Variants in MYOCD observed in about 807,000 individuals in gnomAD.
MYOCD encodes myocardin.
In MYOCD, 32 loss-of-function variants were observed where a neutral mutation model predicts 96.1. That is an observed-to-expected ratio of 0.33 (90% confidence interval 0.25 to 0.45). MYOCD has a LOEUF of 0.45. MYOCD is among the 20% of genes least tolerant of loss of function. The pLI, the probability that MYOCD is intolerant of heterozygous loss-of-function variation, is 1.00. For missense variants in MYOCD, 1,133 were observed against 1,200.6 expected (o/e 0.94, Z 0.83); for synonymous variants, 469 against 469.0 (o/e 1.00, Z 0.00).
chr17:12,752,404 A>T lies in MYOCD; in HGVS notation c.1126-10A>T, dbSNP rs752691808. 1.3e-6 allele frequency: 2 copies of T among 1,590,856 alleles called. No individual in the cohort carries two copies. The highest frequency in any genetic ancestry group is 1.7e-6 in the Non-Finnish European group (2 of 1,168,588). ...TAAACAGCACACTAACCACATTCTGATTTCTTTAGGTCTCTGAATTAAGAC... is the reference window on the plus strand; with the variant it reads ...TAAACAGCACACTAACCACATTCTGTTTTCTTTAGGTCTCTGAATTAAGAC... On this transcript the variant is annotated splice_polypyrimidine_tract_variant and intron_variant, in intron 9 of 13. Transcript: ENST00000425538.
At chr17:12,678,957 G>T (rs1910277287) in intron 1 of MYOCD, among the ~76,000 whole-genome samples, 1 of 152,042 alleles carries the variant, frequency 6.6e-6, no homozygotes, top group Admixed American at 6.6e-5. Flanking sequence ...CCAATTCTGT[G>T]AGATTACAAG....
At chr17:12,703,719 A>G (rs1299050967) in intron 1 of MYOCD, among the ~76,000 whole-genome samples, 2 of 151,984 alleles carry the variant, frequency 1.3e-5, no homozygotes, top group Non-Finnish European at 2.9e-5. Context: ...AGACTTTTAG[A>G]TATTGTCACA....
rs2032900211 is a variant in MYOCD, at chr17:12,752,951, A to G, written c.1663A>G (p.Asn555Asp). ...GATGCAGCTTCAGAAGCAGAAAAGG[A>G]ATAACTGTTCAGAGAAGAAGCCGCT... ...LRMQLQKQKR[N>D]NCSEKKPLPF... is the part of the protein sequence containing the mutation. The change falls in exon 10 of 14, where the codon AAT becomes GAT. Residue 555 changes from asparagine (N) to aspartate (D), a missense_variant. Transcript: ENST00000425538. 6.2e-7 allele frequency: 1 copy of G among 1,614,096 alleles called. No homozygotes were observed.
At chr17:12,705,988 G>A (rs892822985) in intron 2 of MYOCD, 1 of 152,218 alleles carries the variant, frequency 6.6e-6, no homozygotes, top group Non-Finnish European at 1.5e-5. Flanking sequence ...AGTGTAGTTA[G>A]TTGTATTGAA....
chr17:12,754,348 C>T (rs1390726820), intron 10 of MYOCD, among the ~76,000 whole-genome samples: 1 of 152,192 alleles, frequency 6.6e-6, no homozygotes, highest in Non-Finnish European at 1.5e-5. Context: ...GTGATCCGCC[C>T]GCCTTGGCCT....
intron 5 of MYOCD, among the ~76,000 whole-genome samples, chr17:12,732,466 C>T (rs1256607459): frequency 6.6e-6 from 1 of 152,222 alleles, no homozygotes; most frequent in African/African-American, 2.4e-5. Context: ...CTTCGCATCG[C>T]TGTCTCCTCT....
chr17:12,695,827 A>C (rs2150662456), intron 1 of MYOCD, among the ~76,000 whole-genome samples: 1 of 152,240 alleles, frequency 6.6e-6, no homozygotes, highest in African/African-American at 2.4e-5. Context: ...CTCTGTTTGC[A>C]TTAAACTATA....
At chr17:12,709,531 C>T (rs566809629) in intron 2 of MYOCD, among the ~76,000 whole-genome samples, 1 of 152,280 alleles carries the variant, frequency 6.6e-6, no homozygotes, top group African/African-American at 2.4e-5. Flanking sequence ...TTGTGAAATT[C>T]ACATTTTCAA....
At position 12,738,300 on chromosome 17, in the gene MYOCD, A is replaced by G. The variant is rs1428873029; in HGVS notation, c.592-903A>G. Among the ~76,000 whole-genome samples, 3 of 151,868 alleles carry G rather than the reference A, an allele frequency of 2.0e-5. No homozygotes were observed. In the East Asian group the frequency reaches 5.8e-4, roughly 29 times the overall value. On this transcript the variant is annotated intron_variant, in intron 6 of 13. Transcript: ENST00000425538. ...GGAAGAACTGCAAAGCTCATTCCTC[A>G]CCCCCCATGGAGAGATCATGGGCAG...
chr17:12,733,477 CA>C (rs1309016262), intron 5 of MYOCD, among the ~76,000 whole-genome samples: 30 of 152,312 alleles, frequency 2.0e-4, no homozygotes, highest in African/African-American at 6.5e-4. Flanking sequence ...CCCCCTCTAC[CA>C]GGTGAGTCTG....
At position 12,698,482 on chromosome 17, in the gene MYOCD, G is replaced by A. The variant is rs192810839; in HGVS notation, c.56-6646G>A. On this transcript the variant is annotated intron_variant, in intron 1 of 13. Coordinates refer to ENST00000425538, the MANE Select transcript of MYOCD (RefSeq NM_001146312.3). ...TTTATCTCCCCAGCTAGCATGTTAC[G>A]GTCATGAGAATAGTAACTCTCCTAT... Among the ~76,000 whole-genome samples, 172 of 152,160 alleles carry A rather than the reference G, an allele frequency of 1.1e-3. 1 individual carries two copies. Among genetic ancestry groups the A allele is most frequent in the Middle Eastern group, 3.4e-3 (1 of 294 alleles).
rs765015224 is a variant in MYOCD, at chr17:12,763,514, C to G, written c.2831C>G (p.Thr944Ser). 7 of 1,614,214 alleles carry G rather than the reference C, an allele frequency of 4.3e-6. No individual in the cohort carries two copies. Among genetic ancestry groups the G allele is most frequent in the Middle Eastern group, 1.6e-4 (1 of 6,062 alleles). The change falls in exon 14 of 14, where the codon ACT becomes AGT. Residue 944 changes from threonine to serine, a missense_variant. Physicochemically the swap from Thr to Ser is moderately conservative, Grantham distance 58. Transcript: ENST00000425538. ...GAAACCATGGAGTGGCTGGACCTCA[C>G]TCCGCCAAATTCCACACCAGGCTTT... ...PWETMEWLDLTPPNSTPGFSA... is the reference protein window; with the variant it reads ...PWETMEWLDLSPPNSTPGFSA...
intron 5 of MYOCD, 78 bp downstream of exon 5, chr17:12,723,086 T>C (rs2031894976): frequency 7.1e-7 from 1 of 1,407,116 alleles, no homozygotes; most frequent in Non-Finnish European, 9.7e-7. Flanking sequence ...CATACTAGGA[T>C]CTTTGGGGAT....
At chr17:12,732,492 GCACT>G (rs909896965) in intron 5 of MYOCD, among the ~76,000 whole-genome samples, 25 of 152,128 alleles carry the variant, frequency 1.6e-4, no homozygotes, top group African/African-American at 5.6e-4. Flanking sequence ...ACCACCACCA[GCACT>G]CACCAGGCAG....
intron 1 of MYOCD, among the ~76,000 whole-genome samples, chr17:12,692,430 GT>G (rs1186993131): frequency 1.4e-4 from 22 of 152,272 alleles, no homozygotes; most frequent in African/African-American, 5.1e-4. Flanking sequence ...TCCTGAAGTT[GT>G]TAACTATTAT....
At chr17:12,731,658 G>A (rs1761147958) in intron 5 of MYOCD, among the ~76,000 whole-genome samples, 1 of 152,140 alleles carries the variant, frequency 6.6e-6, no homozygotes, top group Non-Finnish European at 1.5e-5. Context: ...TTTTATAGAT[G>A]GGGAAACTGA....
intron 4 of MYOCD, among the ~76,000 whole-genome samples, chr17:12,719,502 G>C (rs1325396841): frequency 1.3e-5 from 2 of 151,892 alleles, no homozygotes; most frequent in Admixed American, 1.3e-4. Flanking sequence ...ATAGAGGATT[G>C]GCTGAATAAA....
intron 1 of MYOCD, among the ~76,000 whole-genome samples, chr17:12,697,328 T>C (rs2030801325): frequency 7.2e-6 from 1 of 138,480 alleles, no homozygotes; most frequent in African/African-American, 2.6e-5. Flanking sequence ...TCTTTTCTGG[T>C]ATAGGAGTAT....
At chr17:12,746,185 C>G in intron 9 of MYOCD, 113 bp downstream of exon 9, 1 of 1,150,176 alleles carries the variant, frequency 8.7e-7, no homozygotes, top group South Asian at 1.5e-5. Context: ...GGGAAGAAGA[C>G]TGTAGGAAAC....
Sources: gnomAD v4.1 joint callset for allele counts (sites outside exome capture counted in the v4.1 genomes callset) on GRCh38, gnomAD v4.1.1 for gene constraint, MANE v1.5 for transcripts, NCBI Gene and HGNC (gene_info 2026-07-23, HGNC 2026-07-21) for gene names.